Variants in FTO observed in about 807,000 individuals in gnomAD.
FTO encodes FTO alpha-ketoglutarate dependent dioxygenase, also known as alpha-ketoglutarate-dependent dioxygenase FTO.
FTO carries 47 observed loss-of-function variants against 63.9 expected under a neutral mutation model. The observed-to-expected ratio is 0.74, with a 90% CI of 0.58 to 0.94. FTO has a LOEUF of 0.94. FTO is among the 40% of genes least tolerant of loss of function. The pLI is 0.00. For missense variants in FTO, 562 were observed against 618.1 expected (o/e 0.91, Z 0.96); for synonymous variants, 207 against 224.4 (o/e 0.92, Z 0.69).
intron 5 of FTO, 55 bp from the exon 6 acceptor site, chr16:53,879,789 G>A (rs2080771734): frequency 1.2e-6 from 2 of 1,605,936 alleles, no homozygotes; most frequent in African/African-American, 2.7e-5. Context: ...AGGAAGGATG[G>A]TAGAGTAAAC....
rs545963893 is a variant in FTO at position 53,886,473 on chromosome 16, G to A, written c.1120-2359G>A. 2.0e-5 allele frequency among the ~76,000 whole-genome samples: 3 copies of A among 152,304 alleles called. No homozygotes were observed. In the East Asian group the frequency reaches 5.8e-4, roughly 29 times the overall value. On this transcript the variant is annotated intron_variant, in intron 6 of 8. Coordinates refer to ENST00000471389, the MANE Select transcript of FTO (RefSeq NM_001080432.3). ...CTCATTTTTTTCTTGAAGTAAGTATGTTGTTAAACCAGTATCTTCACAGAA... is the reference window on the plus strand; with the variant it reads ...CTCATTTTTTTCTTGAAGTAAGTATATTGTTAAACCAGTATCTTCACAGAA...
chr16:53,964,912 G>A (rs189522567), intron 8 of FTO, among the ~76,000 whole-genome samples: 33 of 152,230 alleles, frequency 2.2e-4, no homozygotes, highest in East Asian at 1.4e-3. Flanking sequence ...TAGCTAAATC[G>A]TGGTAAACAC....
chr16:54,022,683 C>T (rs2084627863), intron 8 of FTO, among the ~76,000 whole-genome samples: 1 of 152,028 alleles, frequency 6.6e-6, no homozygotes, highest in Non-Finnish European at 1.5e-5. Context: ...ATAAATACAA[C>T]AAGATTATAC....
intron 1 of FTO, among the ~76,000 whole-genome samples, chr16:53,759,581 C>A (rs1396142666): frequency 1.3e-5 from 2 of 150,500 alleles, no homozygotes; most frequent in Non-Finnish European, 1.5e-5. Context: ...GTAATCCCAG[C>A]TGCTTGGGAG....
At chr16:53,966,814 A>G (rs1295764005) in intron 8 of FTO, among the ~76,000 whole-genome samples, 1 of 152,242 alleles carries the variant, frequency 6.6e-6, no homozygotes. Context: ...CTATGAATGC[A>G]TGGCTCCAGG....
chr16:53,756,976 T>C (rs2076938301), intron 1 of FTO, among the ~76,000 whole-genome samples: 1 of 152,196 alleles, frequency 6.6e-6, no homozygotes, highest in African/African-American at 2.4e-5. Flanking sequence ...GTAGCGTTGT[T>C]GTTTTTAGCT....
chr16:54,021,780 G>T (rs533454051), intron 8 of FTO, among the ~76,000 whole-genome samples: 1 of 152,070 alleles, frequency 6.6e-6, no homozygotes, highest in African/African-American at 2.4e-5. Flanking sequence ...GAGCCACCGC[G>T]CCTGGCTTGG....
At chr16:53,865,586 C>T (rs997459582) in intron 4 of FTO, among the ~76,000 whole-genome samples, 1 of 152,180 alleles carries the variant, frequency 6.6e-6, no homozygotes, top group Non-Finnish European at 1.5e-5. Context: ...TGACTTGACT[C>T]ATCCAGTTCA....
intron 8 of FTO, chr16:53,991,132 C>T (rs572268149): frequency 3.5e-4 from 53 of 152,240 alleles, no homozygotes; most frequent in African/African-American, 1.3e-3. Flanking sequence ...TGACTCACTG[C>T]CATAGGAAGA....
chr16:53,727,669 G>C (rs897187686), intron 1 of FTO, among the ~76,000 whole-genome samples: 1 of 152,196 alleles, frequency 6.6e-6, no homozygotes, highest in Admixed American at 6.5e-5. Context: ...GTGTTGGTTT[G>C]CTTCTAACAT....
chr16:54,032,269 T>G (rs1041322042), intron 8 of FTO, among the ~76,000 whole-genome samples: 1 of 152,198 alleles, frequency 6.6e-6, no homozygotes, highest in Non-Finnish European at 1.5e-5. Flanking sequence ...ACTTCTAAGT[T>G]GACAGAACTT....
At chr16:53,898,419 G>A (rs1463593365) in intron 7 of FTO, among the ~76,000 whole-genome samples, 4 of 152,004 alleles carry the variant, frequency 2.6e-5, no homozygotes, top group Non-Finnish European at 4.4e-5. Context: ...ATTGTAGCAG[G>A]GCCTTACTCT....
intron 7 of FTO, among the ~76,000 whole-genome samples, chr16:53,891,052 G>A (rs899808234): frequency 8.6e-5 from 13 of 151,192 alleles, no homozygotes; most frequent in East Asian, 7.8e-4. Context: ...GTGCGATGGC[G>A]CGATCTCAGC....
intron 8 of FTO, among the ~76,000 whole-genome samples, chr16:53,961,750 G>A (rs2083085758): frequency 6.6e-6 from 1 of 152,158 alleles, no homozygotes; most frequent in South Asian, 2.1e-4. Flanking sequence ...ATCTACCCTG[G>A]GGAATTCAGT....
intron 7 of FTO, among the ~76,000 whole-genome samples, chr16:53,893,676 G>A (rs1598927451): frequency 6.7e-6 from 1 of 149,474 alleles, no homozygotes; most frequent in East Asian, 1.9e-4. Flanking sequence ...AAAAAAAAAA[G>A]GTCAATTTGG....
intron 1 of FTO, among the ~76,000 whole-genome samples, chr16:53,809,934 C>T (rs1306905610): frequency 6.6e-6 from 1 of 151,676 alleles, no homozygotes; most frequent in Non-Finnish European, 1.5e-5. Context: ...GAGCGAGACT[C>T]TGTCTCTAAA....
chr16:53,825,131 G>A (rs752056146), intron 2 of FTO, among the ~76,000 whole-genome samples: 1 of 152,086 alleles, frequency 6.6e-6, no homozygotes, highest in Non-Finnish European at 1.5e-5. Context: ...TAAATTCTGG[G>A]CACTCATATT....
At chr16:53,778,775 G>T (rs1190603071) in intron 1 of FTO, among the ~76,000 whole-genome samples, 1 of 151,794 alleles carries the variant, frequency 6.6e-6, no homozygotes, top group Non-Finnish European at 1.5e-5. Flanking sequence ...CTGATTTTTT[G>T]AGTTTAAGAA....
At chr16:54,093,202 T>G (rs563272997) in intron 8 of FTO, among the ~76,000 whole-genome samples, 7 of 152,276 alleles carry the variant, frequency 4.6e-5, no homozygotes, top group Non-Finnish European at 7.4e-5. Context: ...GCGGATGCCT[T>G]TGGGCACTAG....
Sources: gnomAD v4.1 joint callset for allele counts (sites outside exome capture counted in the v4.1 genomes callset) on GRCh38, gnomAD v4.1.1 for gene constraint, MANE v1.5 for transcripts, NCBI Gene and HGNC (gene_info 2026-07-23, HGNC 2026-07-21) for gene names.